Variants in NAV3 observed in about 807,000 individuals in gnomAD.
The protein encoded by NAV3 is pore membrane and/or filament interacting like protein 1.
Under a neutral mutation model 244.7 loss-of-function variants are expected in NAV3, and 87 were observed. The ratio of observed to expected loss-of-function variants is 0.36; its 90% CI spans 0.30 to 0.42. The LOEUF (loss-of-function observed/expected upper bound fraction) is 0.42. NAV3 is among the 20% of genes least tolerant of loss of function. NAV3 has a pLI of 1.00. For synonymous variants in NAV3, 1,126 were observed against 1,042.2 expected, an observed-to-expected ratio of 1.08 and a Z score of -1.55; for missense variants, 2,663 against 2,893.3, an observed-to-expected ratio of 0.92 and a Z score of 1.83.
chr12:78,041,625 C>G (rs1880877119), intron 9 of NAV3, among the ~76,000 whole-genome samples: 1 of 152,118 alleles, frequency 6.6e-6, no homozygotes, highest in Non-Finnish European at 1.5e-5. Flanking sequence ...GAGGTGGAGG[C>G]CTTTCCAATG....
chr12:78,121,839 T>C (rs2138672699), intron 15 of NAV3, 101 bp from the exon 16 acceptor site: 12 of 1,423,188 alleles, frequency 8.4e-6, no homozygotes, highest in Non-Finnish European at 1.1e-5. Context: ...TGTAGTTCAG[T>C]ACATCAAAGC....
chr12:77,786,903 C>T (rs528746947), intron 2 of NAV3, among the ~76,000 whole-genome samples: 18 of 152,092 alleles, frequency 1.2e-4, no homozygotes, highest in Non-Finnish European at 2.1e-4. Context: ...CATGCCTTTC[C>T]TCTGCTCGGA....
At chr12:78,155,373 A>G (rs1957262337) in intron 22 of NAV3, among the ~76,000 whole-genome samples, 1 of 152,116 alleles carries the variant, frequency 6.6e-6, no homozygotes, top group South Asian at 2.1e-4. Flanking sequence ...TTATAGCTGC[A>G]TAGTATTCCA....
intron 1 of NAV3, among the ~76,000 whole-genome samples, chr12:77,912,690 G>C (rs1886722947): frequency 6.6e-6 from 1 of 152,088 alleles, no homozygotes; most frequent in Non-Finnish European, 1.5e-5. Flanking sequence ...GAGTGCAATG[G>C]TGCGATCTCA....
chr12:77,821,148 A>G (rs1387698384), intron 2 of NAV3, among the ~76,000 whole-genome samples: 1 of 151,828 alleles, frequency 6.6e-6, no homozygotes, highest in East Asian at 1.9e-4. Flanking sequence ...TCCTAGTAAA[A>G]TGCTGCATGA....
intron 12 of NAV3, among the ~76,000 whole-genome samples, chr12:78,074,205 A>C (rs1952929045): frequency 6.6e-6 from 1 of 152,216 alleles, no homozygotes; most frequent in Admixed American, 6.5e-5. Flanking sequence ...TGGGAATTTT[A>C]GGATCAAATA....
intron 9 of NAV3, among the ~76,000 whole-genome samples, chr12:78,035,293 T>C (rs1289006838): frequency 6.6e-6 from 1 of 152,178 alleles, no homozygotes; most frequent in Non-Finnish European, 1.5e-5. Context: ...TTTTCCCTCA[T>C]TTGATAAAGG....
At chr12:77,956,399 A>G (rs1289935768) in intron 3 of NAV3, among the ~76,000 whole-genome samples, 7 of 152,216 alleles carry the variant, frequency 4.6e-5, no homozygotes, top group Non-Finnish European at 1.0e-4. Flanking sequence ...TCTATGTATG[A>G]TTGGCAACAG....
chr12:77,644,272 CT>C (rs1241433952), intron 2 of NAV3, among the ~76,000 whole-genome samples: 2 of 151,980 alleles, frequency 1.3e-5, no homozygotes, highest in Non-Finnish European at 2.9e-5. Context: ...TAGAAGATTT[CT>C]TTATGTCCCC....
intron 5 of NAV3, among the ~76,000 whole-genome samples, chr12:77,977,272 G>A (rs1213703592): frequency 6.6e-6 from 1 of 151,920 alleles, no homozygotes; most frequent in African/African-American, 2.4e-5. Context: ...ATGAGAGGGA[G>A]GAATTACAGA....
intron 1 of NAV3, among the ~76,000 whole-genome samples, chr12:77,911,470 A>C (rs1387949399): frequency 6.6e-6 from 1 of 152,138 alleles, no homozygotes; most frequent in Non-Finnish European, 1.5e-5. Flanking sequence ...ATAAGTACAC[A>C]TAATGGAGTA....
intron 1 of NAV3, among the ~76,000 whole-genome samples, chr12:77,902,932 T>A (rs1421741554): frequency 6.6e-6 from 1 of 152,108 alleles, no homozygotes; most frequent in East Asian, 1.9e-4. Flanking sequence ...AATCCAACTT[T>A]CAAGGGATGT....
intron 1 of NAV3, among the ~76,000 whole-genome samples, chr12:77,908,757 C>G (rs1288756408): frequency 6.6e-6 from 1 of 151,968 alleles, no homozygotes; most frequent in Non-Finnish European, 1.5e-5. Flanking sequence ...TTCAACCCTT[C>G]TAAGAAATTT....
chr12:78,029,265 G>T (rs1878586393), intron 9 of NAV3, among the ~76,000 whole-genome samples: 1 of 151,966 alleles, frequency 6.6e-6, no homozygotes, highest in Admixed American at 6.6e-5. Flanking sequence ...TGATAATGAG[G>T]CTCCAGTTGT....
At chr12:77,910,209 C>T (rs1471169645) in intron 1 of NAV3, among the ~76,000 whole-genome samples, 1 of 152,032 alleles carries the variant, frequency 6.6e-6, no homozygotes, top group Non-Finnish European at 1.5e-5. Flanking sequence ...GTACAGGAAG[C>T]ACAGTGCCAG....
intron 1 of NAV3, among the ~76,000 whole-genome samples, chr12:77,925,540 G>C (rs1007985805): frequency 3.2e-5 from 1 of 31,654 alleles, no homozygotes; most frequent in Admixed American, 2.8e-4. Context: ...ATGAAAAGGC[G>C]GGGGGAGGTT....
Position 78,190,109 on chromosome 12 carries a change from G to A in NAV3, c.6181G>A (p.Gly2061Arg). The change falls in exon 34 of 40, where the codon GGA becomes AGA. Residue 2061 changes from glycine to arginine, a missense_variant. Physicochemically the swap from Gly to Arg is moderately radical, Grantham distance 125. This residue lies in a region of NAV3 where 543 missense variants were observed against 672.4 expected (regional missense o/e 0.81). Coordinates refer to ENST00000397909, the MANE Select transcript of NAV3 (RefSeq NM_001024383.2). ...RIILSGPSGT[G>R]KTYLANKLAE... ...TATACTCTCAGGACCGAGTGGTACT[G>A]GAAAGACCTATTTGGCAAACAAACT... 1 of 1,613,086 alleles carries A rather than the reference G, an allele frequency of 6.2e-7. No individual in the cohort carries two copies. Among genetic ancestry groups the A allele is most frequent in the Non-Finnish European group, 8.5e-7 (1 of 1,179,514 alleles).
rs201758015 is a variant in NAV3 at position 78,198,675 on chromosome 12, A to G, written c.6517A>G (p.Arg2173Gly). 3.4e-5 allele frequency: 48 copies of G among 1,414,190 alleles called. No homozygotes were observed. In the Middle Eastern group the frequency reaches 1.2e-3, roughly 35 times the overall value. 87.6% of individuals were successfully genotyped at this position (1,414,190 alleles called of 1,614,324 possible). A position where few individuals can be genotyped will look rare whatever the true frequency, so the allele number is the denominator to read the frequency against. ...AAATCTAGAGCTGCATCACAATTTC[A>G]GGTAAAGTTAAGTTGAAGGTTTTTT... ...SPNLELHHNF[R>G]WVLCANHTEP... The change falls in exon 36 of 40, where the codon AGG becomes GGG. Residue 2173 changes from arginine to glycine, a missense_variant and splice_region_variant. By Grantham distance (125) the Arg-to-Gly change is moderately radical (BLOSUM62 -2). Coordinates refer to ENST00000397909, the MANE Select transcript of NAV3 (RefSeq NM_001024383.2).
intron 7 of NAV3, among the ~76,000 whole-genome samples, chr12:78,000,853 CTGTAGTCCCAGCT>C (rs1019041828): frequency 6.6e-6 from 1 of 150,410 alleles, no homozygotes; most frequent in Non-Finnish European, 1.5e-5. Context: ...TGGCGGGCGC[CTGTAGTCCCAGCT>C]ACTCAGGAGG....
Sources: allele counts gnomAD v4.1 joint callset (sites outside exome capture counted in the v4.1 genomes callset), GRCh38; gene constraint gnomAD v4.1.1; regional missense constraint gnomAD v4.1.1; transcripts MANE v1.5; gene names NCBI Gene and HGNC (gene_info 2026-07-23, HGNC 2026-07-21).